The following CNIH2 variants were observed in gnomAD, a reference collection of about 807,000 sequenced individuals.
CNIH2 encodes protein cornichon homolog 2.
Under a neutral mutation model 22.9 loss-of-function variants are expected in CNIH2, and 8 were observed. The ratio of observed to expected loss-of-function variants is 0.35; its 90% CI spans 0.20 to 0.63. The LOEUF (loss-of-function observed/expected upper bound fraction) is 0.63. CNIH2 is among the 30% of genes least tolerant of loss of function. The probability of loss-of-function intolerance (pLI) is 0.72; values close to 1 mark genes in which losing one functional copy is unlikely to be tolerated. For missense variants in CNIH2, 105 were observed against 206.2 expected (o/e 0.51, Z 3.01); for synonymous variants, 74 against 78.2 (o/e 0.95, Z 0.28).
intron 1 of CNIH2, among the ~76,000 whole-genome samples, chr11:66,280,491 G>A (rs544264313): frequency 7.9e-5 from 12 of 152,290 alleles, no homozygotes; most frequent in African/African-American, 2.4e-4. Flanking sequence ...TCTTAACAGG[G>A]CGGGACCCCA....
chr11:66,283,757 A>T lies in CNIH2; in HGVS notation c.*160A>T. On this transcript the variant is annotated 3_prime_UTR_variant, in exon 6 of 6. Coordinates refer to ENST00000311445, the MANE Select transcript of CNIH2 (RefSeq NM_182553.3). ...ACTGCTGCTGCGGGGAACCCCCCCC[A>T]CCCCGCCTTCAGAGCCCTCCCCCTT... is the stretch of plus-strand genomic sequence containing the variant. The T allele has an allele frequency of 1.4e-6, 1 of 718,346 alleles. No individual in the cohort carries two copies. Among genetic ancestry groups the T allele is most frequent in the South Asian group, 1.9e-5 (1 of 52,874 alleles). The allele number at this position is 718,346 out of a possible 1,614,324, so 44.5% of individuals were successfully genotyped here.
Position 66,283,747 on chromosome 11 carries a change from A to T in CNIH2, c.*150A>T. ...CAACCCCCAAACTGCTGCTGCGGGG[A>T]ACCCCCCCCACCCCGCCTTCAGAGC... On this transcript the variant is annotated 3_prime_UTR_variant, in exon 6 of 6. Transcript: ENST00000311445. 1 of 801,218 alleles carries T rather than the reference A, an allele frequency of 1.2e-6. No homozygotes were observed. Among genetic ancestry groups the T allele is most frequent in the Non-Finnish European group, 2.0e-6 (1 of 511,774 alleles). 49.6% of individuals were successfully genotyped at this position (801,218 alleles called of 1,614,324 possible).
At chr11:66,278,569 G>A (rs769125656) in intron 1 of CNIH2, 32 bp downstream of exon 1, 21 of 1,265,668 alleles carry the variant, frequency 1.7e-5, no homozygotes, top group Non-Finnish European at 2.1e-5. Flanking sequence ...GGCTGGGGGC[G>A]GGGTGGGGGG....
intron 4 of CNIH2, 38 bp downstream of exon 4, chr11:66,283,185 G>A: frequency 6.2e-7 from 1 of 1,613,782 alleles, no homozygotes; most frequent in Non-Finnish European, 8.5e-7. Flanking sequence ...CTGAGATGGG[G>A]AACAGGGGCA....
chr11:66,279,356 T>C (rs1460384117), intron 1 of CNIH2, among the ~76,000 whole-genome samples: 2 of 152,092 alleles, frequency 1.3e-5, no homozygotes, highest in Non-Finnish European at 2.9e-5. Context: ...GGGCCTCCTC[T>C]GCCTGGCTCC....
Position 66,283,121 on chromosome 11 carries a change from C to T in CNIH2, c.285C>T (p.Ile95=). Residue 95 remains isoleucine, a synonymous_variant, in exon 4 of 6, where the codon ATC becomes ATT. Transcript: ENST00000311445. ...AGTGGGTGACCCTGGGCCTCAACAT[C>T]CCCCTCCTCTTCTACCACCTCTGGA... is the stretch of plus-strand genomic sequence containing the variant. ...AAEWVTLGLN[I]PLLFYHLWRY... The T allele has an allele frequency of 1.9e-6, 3 of 1,613,924 alleles. No homozygotes were observed. Among genetic ancestry groups the T allele is most frequent in the South Asian group, 2.2e-5 (2 of 91,078 alleles).
intron 4 of CNIH2, 46 bp from the exon 5 acceptor site, chr11:66,283,202 G>A: frequency 2.5e-6 from 4 of 1,613,702 alleles, no homozygotes; most frequent in Non-Finnish European, 3.4e-6. Flanking sequence ...GGCAGGATGG[G>A]GGTGGGAGTC....
intron 3 of CNIH2, 117 bp from the exon 4 acceptor site, chr11:66,282,918 T>G (rs1857285137): frequency 2.2e-6 from 3 of 1,365,964 alleles, no homozygotes; most frequent in Middle Eastern, 3.7e-4. Flanking sequence ...CAGAGGCCTT[T>G]TAATCCCCAG....
rs1261443184 is a variant in CNIH2, at chr11:66,278,227, C to T, written c.-230C>T. The T allele has an allele frequency of 6.8e-6, 1 of 147,758 alleles. No homozygotes were observed. The highest frequency in any genetic ancestry group is 1.9e-4 in the East Asian group (1 of 5,144). The allele number at this position is 147,758 out of a possible 1,614,324, so 9.2% of individuals were successfully genotyped here. A position where few individuals can be genotyped will look rare whatever the true frequency, so the allele number is the denominator to read the frequency against. On this transcript the variant is annotated 5_prime_UTR_variant, in exon 1 of 6. Transcript: ENST00000311445. ...CGAGGGAGCCGCGGGCGAGGGATCGCAGGATGAGCGATCGGGGCCCGGGCA... is the reference window on the plus strand; with the variant it reads ...CGAGGGAGCCGCGGGCGAGGGATCGTAGGATGAGCGATCGGGGCCCGGGCA...
Position 66,282,241 on chromosome 11 carries a change from C to T in CNIH2, c.82-18C>T, listed in dbSNP as rs749971974. On this transcript the variant is annotated intron_variant, in intron 1 of 5. Coordinates refer to ENST00000311445, the MANE Select transcript of CNIH2 (RefSeq NM_182553.3). ...AAGCTGCTGCCCCAACCCTGACGGG[C>T]ACACGCCCCTCCCCCAGATCATAGC... 2 of 1,611,084 alleles carry T rather than the reference C, an allele frequency of 1.2e-6. No individual in the cohort carries two copies. Among genetic ancestry groups the T allele is most frequent in the Non-Finnish European group, 1.7e-6 (2 of 1,177,612 alleles).
intron 1 of CNIH2, 96 bp from the exon 2 acceptor site, chr11:66,282,163 T>C: frequency 1.8e-6 from 2 of 1,095,492 alleles, no homozygotes; most frequent in East Asian, 2.4e-5. Flanking sequence ...AAGCTCCACC[T>C]GGCTGGTCCT....
chr11:66,284,114 T>C lies in CNIH2; in HGVS notation c.*517T>C, dbSNP rs1351600498. On this transcript the variant is annotated 3_prime_UTR_variant, in exon 6 of 6. Coordinates refer to ENST00000311445, the MANE Select transcript of CNIH2 (RefSeq NM_182553.3). ...CATCTGCCCCAACCTCAGCCCACCT[T>C]GTCTCTTGGACCTATTTTCTATGTC... The C allele has an allele frequency of 5.7e-6, 1 of 174,434 alleles. No homozygotes were observed. The highest frequency in any genetic ancestry group is 2.4e-5 in the African/African-American group (1 of 41,802). 10.8% of individuals were successfully genotyped at this position (174,434 alleles called of 1,614,324 possible).
intron 1 of CNIH2, 62 bp from the exon 2 acceptor site, chr11:66,282,197 G>A (rs1857267496): frequency 1.4e-6 from 2 of 1,416,100 alleles, no homozygotes; most frequent in Admixed American, 3.3e-5. Context: ...TCCCACAGAA[G>A]GACTTGGGGG....
intron 2 of CNIH2, 57 bp downstream of exon 2, chr11:66,282,384 C>CGTGG (rs780772700): frequency 1.9e-6 from 1 of 524,236 alleles, no homozygotes; most frequent in Non-Finnish European, 2.9e-6. Context: ...TTCCATCTGT[C>CGTGG]GTGGGCTGGG....
chr11:66,281,060 T>C (rs1333177694), intron 1 of CNIH2, among the ~76,000 whole-genome samples: 1 of 152,182 alleles, frequency 6.6e-6, no homozygotes, highest in Non-Finnish European at 1.5e-5. Flanking sequence ...CCACCTTAGA[T>C]TTCTGCCTTC....
chr11:66,279,641 T>G (rs1857229628), intron 1 of CNIH2, among the ~76,000 whole-genome samples: 1 of 152,176 alleles, frequency 6.6e-6, no homozygotes, highest in South Asian at 2.1e-4. Flanking sequence ...GTGCCTCACC[T>G]GCTTCTTTCC....
chr11:66,278,952 G>A (rs1029205605), intron 1 of CNIH2, among the ~76,000 whole-genome samples: 3 of 119,506 alleles, frequency 2.5e-5, no homozygotes, highest in African/African-American at 3.3e-5. Context: ...TTTCCAGCCA[G>A]AGTGATGGAG....
intron 5 of CNIH2, 41 bp downstream of exon 5, chr11:66,283,432 T>C: frequency 5.0e-6 from 8 of 1,612,728 alleles, no homozygotes; most frequent in Non-Finnish European, 6.8e-6. Context: ...AGGGAAGGGA[T>C]GTCCCAGCAT....
chr11:66,278,453 G>A lies in CNIH2; in HGVS notation c.-4G>A, dbSNP rs1857197019. 3 of 1,359,856 alleles carry A rather than the reference G, an allele frequency of 2.2e-6. No homozygotes were observed. The East Asian group carries it at 9.9e-5, about 45-fold the overall frequency. 84.2% of individuals were successfully genotyped at this position (1,359,856 alleles called of 1,614,324 possible). On this transcript the variant is annotated 5_prime_UTR_variant, in exon 1 of 6. Transcript: ENST00000311445. ...CCCCCGGGCCGCCGCCCGGCGCGGG[G>A]GCCATGGCGTTCACCTTCGCCGCGT...
Sources: allele counts gnomAD v4.1 joint callset (sites outside exome capture counted in the v4.1 genomes callset), GRCh38; gene constraint gnomAD v4.1.1; transcripts MANE v1.5; gene names NCBI Gene and HGNC (gene_info 2026-07-23, HGNC 2026-07-21).